The following DLGAP2 variants were observed in gnomAD, a reference collection of about 807,000 sequenced individuals.
DLGAP2 encodes the protein disks large-associated protein 2.
DLGAP2 carries 26 observed loss-of-function variants against 100.3 expected under a neutral mutation model. That is an observed-to-expected ratio of 0.26 (90% CI 0.19 to 0.36). The LOEUF is 0.36. DLGAP2 is among the 10% of genes least tolerant of loss of function. The pLI, the probability that DLGAP2 is intolerant of heterozygous loss-of-function variation, is 1.00. For missense variants in DLGAP2, 1,858 were observed against 1,453.2 expected (o/e 1.28, Z -4.53); for synonymous variants, 886 against 630.1 (o/e 1.41, Z -6.08).
At chr8:947,458 C>T (rs1451709364) in intron 2 of DLGAP2, among the ~76,000 whole-genome samples, 2 of 152,232 alleles carry the variant, frequency 1.3e-5, no homozygotes, top group Non-Finnish European at 2.9e-5. Flanking sequence ...CTCAGCCCTG[C>T]CCTTACACGA....
chr8:1,667,419 C>T (rs115118076), intron 8 of DLGAP2, among the ~76,000 whole-genome samples: 33 of 152,194 alleles, frequency 2.2e-4, no homozygotes, highest in African/African-American at 7.5e-4. Context: ...TGGCTGGTGA[C>T]GGCCACAGGT....
At chr8:855,930 C>A (rs371663100) in intron 1 of DLGAP2, among the ~76,000 whole-genome samples, 31 of 152,050 alleles carry the variant, frequency 2.0e-4, no homozygotes, top group African/African-American at 6.3e-4. Context: ...TAACCACCCC[C>A]CAACAGCTAA....
At chr8:1,454,217 G>A (rs1006070925) in intron 3 of DLGAP2, among the ~76,000 whole-genome samples, 6 of 152,178 alleles carry the variant, frequency 3.9e-5, no homozygotes, top group African/African-American at 9.7e-5. Flanking sequence ...ACAGCCGCCC[G>A]GCAGGATGTC....
At chr8:744,514 G>C (rs937105668) in intron 1 of DLGAP2, among the ~76,000 whole-genome samples, 1 of 152,066 alleles carries the variant, frequency 6.6e-6, no homozygotes, top group South Asian at 2.1e-4. Context: ...CGGGGTGCTG[G>C]CCGTCTGCTC....
Position 1,577,808 on chromosome 8 carries a change from G to A in DLGAP2, c.1442+11914G>A, listed in dbSNP as rs564388631. Among the ~76,000 whole-genome samples the A allele has an allele frequency of 5.9e-5, 9 of 152,214 alleles. No homozygotes were observed. The East Asian group carries it at 9.7e-4, about 16-fold the overall frequency. ...AGGGGCACACAGCATGCTGGGGAAC[G>A]GGCAGCACTCAGCGTGGTCAGCACT... On this transcript the variant is annotated intron_variant, in intron 6 of 14. Coordinates refer to ENST00000637795, the MANE Select transcript of DLGAP2 (RefSeq NM_001346810.2).
intron 3 of DLGAP2, among the ~76,000 whole-genome samples, chr8:1,456,856 A>AGGCCGTGCT (rs1347157516): frequency 0.061 from 140 of 2,302 alleles, no homozygotes; most frequent in South Asian, 0.23. Context: ...CAGGCTGTGC[A>AGGCCGTGCT]CTGGTGAAAT....
chr8:836,440 G>A (rs770089655), intron 1 of DLGAP2, among the ~76,000 whole-genome samples: 2 of 152,220 alleles, frequency 1.3e-5, no homozygotes, highest in African/African-American at 2.4e-5. Flanking sequence ...AGGTCCTGCA[G>A]GCGCCCTGGC....
chr8:784,920 C>T (rs544146239), intron 1 of DLGAP2, among the ~76,000 whole-genome samples: 7 of 152,216 alleles, frequency 4.6e-5, no homozygotes, highest in African/African-American at 1.4e-4. Flanking sequence ...AAAAAGGGCA[C>T]GTCCTGGCTG....
intron 2 of DLGAP2, among the ~76,000 whole-genome samples, chr8:1,204,207 T>C (rs1394587128): frequency 6.6e-6 from 1 of 152,108 alleles, no homozygotes; most frequent in Non-Finnish European, 1.5e-5. Context: ...TATCAGCGGG[T>C]TTTTATCTGC....
intron 1 of DLGAP2, among the ~76,000 whole-genome samples, chr8:786,065 G>C (rs1821853726): frequency 6.6e-6 from 1 of 152,198 alleles, no homozygotes. Flanking sequence ...AGAGCTCGCT[G>C]CCCGCCGCCT....
intron 6 of DLGAP2, among the ~76,000 whole-genome samples, chr8:1,614,997 G>A (rs1479525372): frequency 8.5e-5 from 13 of 152,346 alleles, no homozygotes; most frequent in Admixed American, 5.9e-4. Flanking sequence ...GAGCACCCTC[G>A]CTACCTGCTG....
chr8:1,010,057 C>A (rs538288403), intron 2 of DLGAP2, among the ~76,000 whole-genome samples: 1 of 152,312 alleles, frequency 6.6e-6, no homozygotes, highest in South Asian at 2.1e-4. Flanking sequence ...CTTTTAATAT[C>A]GTGGTATCAG....
At chr8:1,161,640 G>A (rs944774627) in intron 2 of DLGAP2, among the ~76,000 whole-genome samples, 6 of 152,210 alleles carry the variant, frequency 3.9e-5, no homozygotes, top group Non-Finnish European at 8.8e-5. Context: ...CATGGTGGTG[G>A]GGTTTGAACG....
At chr8:1,363,736 C>A (rs1487467851) in intron 3 of DLGAP2, among the ~76,000 whole-genome samples, 1 of 152,232 alleles carries the variant, frequency 6.6e-6, no homozygotes, top group South Asian at 2.1e-4. Context: ...TCTGGCAGCT[C>A]CTCTCTGGTG....
intron 4 of DLGAP2, among the ~76,000 whole-genome samples, chr8:1,519,519 G>C (rs1300310266): frequency 1.3e-5 from 2 of 152,242 alleles, no homozygotes; most frequent in Non-Finnish European, 2.9e-5. Context: ...TCTCCAGGAA[G>C]AGACTTTCGT....
chr8:1,463,705 A>T (rs1030882188), intron 3 of DLGAP2, among the ~76,000 whole-genome samples: 2 of 152,352 alleles, frequency 1.3e-5, no homozygotes, highest in African/African-American at 4.8e-5. Flanking sequence ...AGACTTGCTG[A>T]CCAGGCACTG....
At chr8:831,982 A>G (rs760430663) in intron 1 of DLGAP2, among the ~76,000 whole-genome samples, 8 of 152,030 alleles carry the variant, frequency 5.3e-5, no homozygotes, top group African/African-American at 9.6e-5. Flanking sequence ...GCTTTTTTTC[A>G]TATGTTTGTT....
intron 8 of DLGAP2, among the ~76,000 whole-genome samples, chr8:1,650,674 A>G (rs1798141077): frequency 6.6e-6 from 1 of 152,226 alleles, no homozygotes; most frequent in African/African-American, 2.4e-5. Flanking sequence ...CTTGGGTGAC[A>G]GTTGCTGGAG....
At chr8:1,311,056 AAG>A (rs528328268) in intron 3 of DLGAP2, among the ~76,000 whole-genome samples, 338 of 152,312 alleles carry the variant, frequency 2.2e-3, no homozygotes, top group African/African-American at 7.7e-3. Context: ...AGAAAAAAAA[AAG>A]AGAACACATA....
Sources: allele counts gnomAD v4.1 joint callset (sites outside exome capture counted in the v4.1 genomes callset), GRCh38; gene constraint gnomAD v4.1.1; transcripts MANE v1.5; gene names NCBI Gene and HGNC (gene_info 2026-07-23, HGNC 2026-07-21).